Variants in MAPK10 observed in about 807,000 individuals in gnomAD.
MAPK10 encodes the protein JNK3 alpha protein kinase.
MAPK10 carries 25 observed loss-of-function variants against 59.3 expected under a neutral mutation model. The observed-to-expected ratio is 0.42, with a 90% confidence interval of 0.31 to 0.59. The LOEUF is 0.59. Among genes scored for constraint, MAPK10 ranks in the 20% least tolerant of loss-of-function variants. The pLI is 0.15. For missense variants in MAPK10, 351 were observed against 568.9 expected, an observed-to-expected ratio of 0.62 and a Z score of 3.90; for synonymous variants, 190 against 200.5, an observed-to-expected ratio of 0.95 and a Z score of 0.44.
intron 1 of MAPK10, among the ~76,000 whole-genome samples, chr4:86,469,359 G>C (rs1267855792): frequency 6.6e-6 from 1 of 152,152 alleles, no homozygotes; most frequent in East Asian, 1.9e-4. Flanking sequence ...AGGTGGAATG[G>C]GCTACCTTGC....
chr4:86,549,240 G>A (rs906048117), intron 1 of MAPK10, among the ~76,000 whole-genome samples: 1 of 152,108 alleles, frequency 6.6e-6, no homozygotes, highest in Admixed American at 6.5e-5. Flanking sequence ...ATCACTTAAG[G>A]ACAGGGATAT....
chr4:86,081,798 A>G (rs1223970951), intron 9 of MAPK10: 2 of 152,080 alleles, frequency 1.3e-5, no homozygotes, highest in African/African-American at 4.8e-5. Context: ...GTGTATGCCT[A>G]TGACCCCTGG....
At chr4:86,199,391 A>T (rs17253274) in intron 2 of MAPK10, among the ~76,000 whole-genome samples, 12,920 of 151,900 alleles carry the variant, frequency 0.085, 1,217 homozygotes, top group African/African-American at 0.23. Context: ...CAAGTATCAA[A>T]TATGACAACA....
rs550806934 is a variant in MAPK10 at position 86,538,779 on chromosome 4, G to A, written c.-263+55131C>T. Among the ~76,000 whole-genome samples the A allele has an allele frequency of 3.4e-4, 52 of 152,222 alleles. 1 individual carries two copies. The highest frequency in any genetic ancestry group is 1.2e-3 in the African/African-American group (50 of 41,536). On this transcript the variant is annotated intron_variant, in intron 1 of 4. Transcript: ENST00000502302. ...GGAACTACTTCTAACTAATATGATA[G>A]CTCAAGGGCTTATATATCTAATATT...
chr4:86,577,054 A>C (rs1189505937), intron 1 of MAPK10, among the ~76,000 whole-genome samples: 1 of 152,162 alleles, frequency 6.6e-6, no homozygotes, highest in African/African-American at 2.4e-5. Context: ...ATGTAATCGC[A>C]GCTCTTTGGG....
At chr4:86,192,805 T>C (rs1202750288) in intron 3 of MAPK10, 1 of 152,092 alleles carries the variant, frequency 6.6e-6, no homozygotes, top group Non-Finnish European at 1.5e-5. Context: ...CCATCCAGCT[T>C]TGTTCCCTTG....
chr4:86,013,722 T>G lies in MAPK10; in HGVS notation c.*3506A>C, dbSNP rs1197860634. On this transcript the variant is annotated 3_prime_UTR_variant, in exon 14 of 14. Coordinates refer to ENST00000641462, the MANE Select transcript of MAPK10 (RefSeq NM_138982.4). ...AGCTGCTATCAGTGTCTTTAGATAATATTTTTCTGATAACAGATTGAAAAA... is the reference window on the plus strand; with the variant it reads ...AGCTGCTATCAGTGTCTTTAGATAAGATTTTTCTGATAACAGATTGAAAAA... 2 of 152,176 alleles carry G rather than the reference T, an allele frequency of 1.3e-5. No homozygotes were observed. Among genetic ancestry groups the G allele is most frequent in the African/African-American group, 2.4e-5 (1 of 41,450 alleles). The allele number at this position is 152,176 out of a possible 1,614,324, so 9.4% of individuals were successfully genotyped here.
intron 2 of MAPK10, among the ~76,000 whole-genome samples, chr4:86,264,743 C>T (rs768601610): frequency 2.6e-5 from 4 of 152,186 alleles, no homozygotes; most frequent in Non-Finnish European, 5.9e-5. Flanking sequence ...AAAAGACGGG[C>T]AACCCTGAAG....
At chr4:86,502,294 A>T (rs1466925695) in intron 1 of MAPK10, among the ~76,000 whole-genome samples, 1 of 152,048 alleles carries the variant, frequency 6.6e-6, no homozygotes, top group African/African-American at 2.4e-5. Flanking sequence ...CCCATTCAGA[A>T]TATAATGGAA....
chr4:86,080,015 A>G (rs1701670468), intron 9 of MAPK10: 1 of 152,102 alleles, frequency 6.6e-6, no homozygotes, highest in Non-Finnish European at 1.5e-5. Context: ...GTATCATGGT[A>G]ATAAGAATTT....
At chr4:86,070,612 A>G (rs546040227) in intron 9 of MAPK10, among the ~76,000 whole-genome samples, 237 of 141,682 alleles carry the variant, frequency 1.7e-3, no homozygotes, top group African/African-American at 5.9e-3. Context: ...TCATTGTTCA[A>G]TTCCCACCTA....
chr4:86,307,515 AAGTT>A (rs1352385557), intron 2 of MAPK10, among the ~76,000 whole-genome samples: 1 of 152,182 alleles, frequency 6.6e-6, no homozygotes, highest in Admixed American at 6.5e-5. Context: ...AGAATGTTGT[AAGTT>A]AGAGAAAGGA....
chr4:86,116,206 A>G (rs548257500), intron 4 of MAPK10, among the ~76,000 whole-genome samples: 1 of 152,298 alleles, frequency 6.6e-6, no homozygotes, highest in Admixed American at 6.5e-5. Flanking sequence ...TTCTTGGCCA[A>G]ATAAGAAAGT....
intron 1 of MAPK10, among the ~76,000 whole-genome samples, chr4:86,550,957 G>A (rs113268119): frequency 5.8e-4 from 89 of 152,258 alleles, no homozygotes; most frequent in African/African-American, 2.0e-3. Context: ...TGAAAGTGAC[G>A]TACATCACTT....
At chr4:86,248,785 G>C (rs949621069) in intron 2 of MAPK10, among the ~76,000 whole-genome samples, 2 of 152,138 alleles carry the variant, frequency 1.3e-5, no homozygotes, top group African/African-American at 2.4e-5. Context: ...AAACACCAAA[G>C]AGCAGTAATA....
intron 1 of MAPK10, among the ~76,000 whole-genome samples, chr4:86,497,526 T>C (rs911552413): frequency 6.6e-6 from 1 of 152,190 alleles, no homozygotes; most frequent in African/African-American, 2.4e-5. Context: ...GAGTTTTTCA[T>C]GGCAATAACA....
intron 6 of MAPK10, chr4:86,102,602 C>G (rs2055671799): frequency 6.5e-6 from 1 of 153,316 alleles, no homozygotes; most frequent in Non-Finnish European, 1.5e-5. Context: ...CTCACTGCAA[C>G]CTCCGTCTCC....
chr4:86,210,714 G>T (rs1257734414), intron 2 of MAPK10, among the ~76,000 whole-genome samples: 1 of 151,356 alleles, frequency 6.6e-6, no homozygotes. Context: ...GGGAAGTATG[G>T]CTCAGTCAAA....
At chr4:86,159,216 A>T in intron 4 of MAPK10, 82 bp downstream of exon 4, 5 of 1,074,692 alleles carry the variant, frequency 4.7e-6, no homozygotes, top group Admixed American at 2.9e-5. Flanking sequence ...TATTTTGGGG[A>T]TTTTGTTTGT....
Sources: gnomAD v4.1 joint callset for allele counts (sites outside exome capture counted in the v4.1 genomes callset) on GRCh38, gnomAD v4.1.1 for gene constraint, MANE v1.5 for transcripts, NCBI Gene and HGNC (gene_info 2026-07-23, HGNC 2026-07-21) for gene names.